Variants in NRXN3 observed in about 807,000 individuals in gnomAD.
NRXN3 encodes neurexin 3.
In NRXN3, 32 loss-of-function variants were observed where a neutral mutation model predicts 137.6. That is an observed-to-expected ratio of 0.23 (90% CI 0.18 to 0.31). The LOEUF (loss-of-function observed/expected upper bound fraction) is 0.31, where lower values mean the gene tolerates loss of function less well. NRXN3 is among the 10% of genes least tolerant of loss of function. The probability of loss-of-function intolerance (pLI) is 1.00; values close to 1 mark genes in which losing one functional copy is unlikely to be tolerated. For synonymous variants in NRXN3, 798 were observed against 784.5 expected, an observed-to-expected ratio of 1.02 and a Z score of -0.29; for missense variants, 1,574 against 2,062.5, an observed-to-expected ratio of 0.76 and a Z score of 4.59.
chr14:78,438,024 G>A (rs1375076575), intron 4 of NRXN3, among the ~76,000 whole-genome samples: 1 of 152,118 alleles, frequency 6.6e-6, no homozygotes, highest in African/African-American at 2.4e-5. Context: ...GATGTGGGGT[G>A]TGGTGATGGG....
At chr14:78,467,196 G>A (rs976603786) in intron 4 of NRXN3, among the ~76,000 whole-genome samples, 6 of 152,062 alleles carry the variant, frequency 3.9e-5, no homozygotes, top group Admixed American at 3.9e-4. Flanking sequence ...TCATGCCATG[G>A]TCACTCACAT....
At chr14:79,020,431 A>ATTT (rs144058950) in intron 15 of NRXN3, among the ~76,000 whole-genome samples, 1 of 138,686 alleles carries the variant, frequency 7.2e-6, no homozygotes, top group African/African-American at 2.7e-5. Flanking sequence ...ACGCCTGGCT[A>ATTT]TTTTTTTTTT....
intron 15 of NRXN3, among the ~76,000 whole-genome samples, chr14:79,132,205 C>G (rs1276644089): frequency 1.3e-5 from 2 of 152,230 alleles, no homozygotes; most frequent in Non-Finnish European, 2.9e-5. Context: ...GCTCCTCCAA[C>G]TTAAACTTAA....
At chr14:78,232,714 A>G (rs1463168305) in intron 1 of NRXN3, among the ~76,000 whole-genome samples, 1 of 152,008 alleles carries the variant, frequency 6.6e-6, no homozygotes, top group Non-Finnish European at 1.5e-5. Flanking sequence ...CTGGCTTTCA[A>G]TTGAATCTTT....
intron 1 of NRXN3, among the ~76,000 whole-genome samples, chr14:78,172,615 C>G (rs1177235467): frequency 1.3e-5 from 2 of 152,004 alleles, no homozygotes; most frequent in African/African-American, 2.4e-5. Flanking sequence ...TTTTCTGCAG[C>G]CTGAGGTTCA....
chr14:79,722,745 G>A (rs562479610), intron 19 of NRXN3, among the ~76,000 whole-genome samples: 1 of 152,058 alleles, frequency 6.6e-6, no homozygotes, highest in Non-Finnish European at 1.5e-5. Flanking sequence ...TCTCCTAATA[G>A]ATGTTAGGAT....
At chr14:78,522,147 G>T (rs891924116) in intron 4 of NRXN3, among the ~76,000 whole-genome samples, 4 of 152,132 alleles carry the variant, frequency 2.6e-5, no homozygotes, top group Non-Finnish European at 4.4e-5. Flanking sequence ...TCAAAGCAGA[G>T]GATTAATATT....
At chr14:79,470,610 T>G (rs553407120) in intron 16 of NRXN3, among the ~76,000 whole-genome samples, 2 of 152,210 alleles carry the variant, frequency 1.3e-5, no homozygotes, top group East Asian at 3.9e-4. Flanking sequence ...ATTCAGAGCA[T>G]AGCAGCAGAA....
intron 4 of NRXN3, among the ~76,000 whole-genome samples, chr14:78,487,780 TAAATAAATAA>T (rs1599338606): frequency 1.5e-5 from 2 of 134,382 alleles, no homozygotes; most frequent in East Asian, 4.1e-4. Context: ...AATAAATAAA[TAAATAAATAA>T]AGATAGATTT....
chr14:79,410,839 T>C (rs985276073), intron 15 of NRXN3, among the ~76,000 whole-genome samples: 10 of 152,140 alleles, frequency 6.6e-5, no homozygotes, highest in Non-Finnish European at 1.2e-4. Context: ...ATCTTATGTT[T>C]TGAAGCTCGC....
At chr14:79,038,396 C>G (rs1261012293) in intron 15 of NRXN3, among the ~76,000 whole-genome samples, 3 of 152,040 alleles carry the variant, frequency 2.0e-5, no homozygotes, top group Admixed American at 2.0e-4. Context: ...AGGCCACTAA[C>G]CCAAAGATCA....
At chr14:78,338,111 A>G (rs1485719568) in intron 4 of NRXN3, among the ~76,000 whole-genome samples, 3 of 152,172 alleles carry the variant, frequency 2.0e-5, no homozygotes, top group East Asian at 3.9e-4. Context: ...AGACTAAATT[A>G]TTCCCAGAAG....
chr14:79,038,279 A>C (rs1041132023), intron 15 of NRXN3, among the ~76,000 whole-genome samples: 4 of 152,032 alleles, frequency 2.6e-5, no homozygotes. Context: ...AAAATGTGGA[A>C]TGAAAAGATA....
intron 20 of NRXN3, among the ~76,000 whole-genome samples, chr14:79,811,581 C>CTTTTTTTTTTTTTTTTTTTTT (rs370942970): frequency 3.4e-5 from 4 of 116,610 alleles, no homozygotes; most frequent in East Asian, 2.4e-4. Context: ...TTTCTTTTTT[C>CTTTTTTTTTTTTTTTTTTTTT]TTTTTTTTTT....
At chr14:78,935,718 C>A (rs1049689852) in intron 10 of NRXN3, among the ~76,000 whole-genome samples, 2 of 152,152 alleles carry the variant, frequency 1.3e-5, no homozygotes, top group African/African-American at 4.8e-5. Flanking sequence ...CCATCTCATA[C>A]TCAGGATGTT....
At chr14:78,249,983 T>C (rs2068335544) in intron 2 of NRXN3, 1 of 400,342 alleles carries the variant, frequency 2.5e-6, no homozygotes, top group African/African-American at 2.1e-5. Context: ...TGATAGCTAA[T>C]AATCACAGAG....
chr14:78,547,800 AT>A (rs34597114), intron 4 of NRXN3, among the ~76,000 whole-genome samples: 54,151 of 151,882 alleles, frequency 0.36, 10,102 homozygotes, highest in Admixed American at 0.41. Flanking sequence ...AAAGGTACTG[AT>A]TTTGTATATT....
chr14:78,828,700 T>C lies in NRXN3; in HGVS notation c.2275+18356T>C, dbSNP rs76258821. ...ACTAGCTACCCAGAATTCCAAACAA[T>C]AGGCACATGGAAGTTTGGAAAACTC... On this transcript the variant is annotated intron_variant, in intron 10 of 20. Transcript: ENST00000335750. Among the ~76,000 whole-genome samples the C allele has an allele frequency of 8.4e-3, 1,280 of 152,306 alleles. 15 individuals carry two copies. Among genetic ancestry groups the C allele is most frequent in the African/African-American group, 0.03 (1,240 of 41,562 alleles).
chr14:78,534,949 C>T (rs972661138), intron 4 of NRXN3, among the ~76,000 whole-genome samples: 1 of 152,004 alleles, frequency 6.6e-6, no homozygotes, highest in Admixed American at 6.6e-5. Context: ...TGTATTTTCC[C>T]CTTCCGCATA....
Sources: allele counts gnomAD v4.1 joint callset (sites outside exome capture counted in the v4.1 genomes callset), GRCh38; gene constraint gnomAD v4.1.1; transcripts MANE v1.5; gene names NCBI Gene and HGNC (gene_info 2026-07-23, HGNC 2026-07-21).